ADAM23: variants seen among roughly 807,000 people sequenced by gnomAD.
The protein encoded by ADAM23 is disintegrin and metalloproteinase domain-containing protein 23.
ADAM23 carries 33 observed loss-of-function variants against 120.1 expected under a neutral mutation model. The observed-to-expected ratio is 0.27, with a 90% CI of 0.21 to 0.37. ADAM23 has a LOEUF of 0.37. Among genes scored for constraint, ADAM23 ranks in the 10% least tolerant of loss-of-function variants. ADAM23 has a pLI of 1.00. For missense variants in ADAM23, 862 were observed against 1,058.2 expected, an observed-to-expected ratio of 0.81 and a Z score of 2.57; for synonymous variants, 367 against 375.2, an observed-to-expected ratio of 0.98 and a Z score of 0.25.
chr2:206,592,645 A>C lies in ADAM23; in HGVS notation c.1987A>C (p.Thr663Pro), dbSNP rs1698446680. The change falls in exon 22 of 26, where the codon ACC becomes CCC. Residue 663 changes from threonine to proline, a missense_variant. Physicochemically the swap from Thr to Pro is conservative, Grantham distance 38. This residue lies in a region of ADAM23 where 617 missense variants were observed against 813.5 expected (regional missense o/e 0.76). Coordinates refer to ENST00000264377, the MANE Select transcript of ADAM23 (RefSeq NM_003812.4). ...TGTGTTCTGTGGATTCTTACTCTGTACCAATCTTACTCGAGCTCCACGTAT... is the reference window on the plus strand; with the variant it reads ...TGTGTTCTGTGGATTCTTACTCTGTCCCAATCTTACTCGAGCTCCACGTAT... ...HDVFCGFLLC[T>P]NLTRAPRIGQ... 6.2e-7 allele frequency: 1 copy of C among 1,613,896 alleles called. No homozygotes were observed. Among genetic ancestry groups the C allele is most frequent in the Non-Finnish European group, 8.5e-7 (1 of 1,179,950 alleles).
At chr2:206,538,139 A>T (rs1365992557) in intron 4 of ADAM23, among the ~76,000 whole-genome samples, 5 of 152,170 alleles carry the variant, frequency 3.3e-5, no homozygotes, top group African/African-American at 1.2e-4. Flanking sequence ...GGTACAGCCA[A>T]ACTGTTCTAA....
At chr2:206,492,920 A>G (rs537507269) in intron 3 of ADAM23, among the ~76,000 whole-genome samples, 1 of 152,346 alleles carries the variant, frequency 6.6e-6, no homozygotes, top group Admixed American at 6.5e-5. Context: ...CCTTAGAGAA[A>G]TAAAAAACTT....
intron 8 of ADAM23, 57 bp from the exon 9 acceptor site, chr2:206,550,038 C>T (rs991429737): frequency 9.3e-6 from 10 of 1,071,638 alleles, no homozygotes; most frequent in Non-Finnish European, 1.4e-5. Context: ...TAACAGTGAG[C>T]ACTAGAGAGA....
intron 24 of ADAM23, among the ~76,000 whole-genome samples, chr2:206,600,518 A>G (rs1055643034): frequency 3.3e-5 from 5 of 152,226 alleles, no homozygotes; most frequent in Admixed American, 6.5e-5. Context: ...ATTGTACCCA[A>G]CTGCCCTTTG....
intron 9 of ADAM23, among the ~76,000 whole-genome samples, chr2:206,553,378 C>T (rs984679502): frequency 5.3e-5 from 8 of 152,006 alleles, no homozygotes; most frequent in Non-Finnish European, 8.8e-5. Context: ...GGAGGTTGCA[C>T]TGAGCCAAGA....
chr2:206,563,489 C>T (rs974650581), intron 13 of ADAM23, among the ~76,000 whole-genome samples: 29 of 152,264 alleles, frequency 1.9e-4, no homozygotes, highest in Non-Finnish European at 2.9e-5. Context: ...AGTGTTTGCT[C>T]TCCCAGGAAA....
intron 3 of ADAM23, among the ~76,000 whole-genome samples, chr2:206,498,876 A>C (rs1696318087): frequency 6.6e-6 from 1 of 152,258 alleles, no homozygotes; most frequent in South Asian, 2.1e-4. Flanking sequence ...ATATTTATGC[A>C]GCCAAAAAAA....
At chr2:206,601,875 T>A (rs923418093) in intron 24 of ADAM23, among the ~76,000 whole-genome samples, 3 of 152,180 alleles carry the variant, frequency 2.0e-5, no homozygotes, top group Non-Finnish European at 2.9e-5. Flanking sequence ...TCAAGCTTAT[T>A]AACTGATCCA....
chr2:206,491,279 G>A (rs892629335), intron 3 of ADAM23, among the ~76,000 whole-genome samples: 3 of 152,140 alleles, frequency 2.0e-5, no homozygotes, highest in Non-Finnish European at 4.4e-5. Context: ...TCTAGGTTCT[G>A]GGAGATGAGA....
chr2:206,589,007 T>C (rs1698377862), intron 20 of ADAM23, among the ~76,000 whole-genome samples: 1 of 152,230 alleles, frequency 6.6e-6, no homozygotes, highest in East Asian at 1.9e-4. Context: ...TCTCCTAATA[T>C]TGATATAAAA....
At chr2:206,450,963 G>A (rs1408380088) in intron 2 of ADAM23, among the ~76,000 whole-genome samples, 1 of 152,216 alleles carries the variant, frequency 6.6e-6, no homozygotes, top group Non-Finnish European at 1.5e-5. Context: ...GGTAGCCGCT[G>A]ATGTGTGGTT....
intron 2 of ADAM23, among the ~76,000 whole-genome samples, chr2:206,480,963 A>T (rs1046252874): frequency 7.2e-5 from 11 of 152,206 alleles, no homozygotes; most frequent in African/African-American, 2.4e-4. Flanking sequence ...TTGTAAGTCC[A>T]GCAGAATATG....
intron 3 of ADAM23, among the ~76,000 whole-genome samples, chr2:206,521,591 A>G (rs894192323): frequency 5.9e-5 from 9 of 152,208 alleles, no homozygotes; most frequent in East Asian, 3.8e-4. Context: ...TACATTTGGT[A>G]TACACCTTTT....
At chr2:206,612,277 T>C (rs1278009555) in intron 25 of ADAM23, among the ~76,000 whole-genome samples, 2 of 152,222 alleles carry the variant, frequency 1.3e-5, no homozygotes, top group Admixed American at 1.3e-4. Flanking sequence ...AATGATAATG[T>C]TTAGATTTTC....
At chr2:206,533,873 G>A (rs1697122999) in intron 4 of ADAM23, among the ~76,000 whole-genome samples, 1 of 152,210 alleles carries the variant, frequency 6.6e-6, no homozygotes, top group African/African-American at 2.4e-5. Flanking sequence ...ATCAGTCCAA[G>A]AATAAGGAAG....
At chr2:206,488,298 G>A (rs1696058614) in intron 3 of ADAM23, among the ~76,000 whole-genome samples, 1 of 152,212 alleles carries the variant, frequency 6.6e-6, no homozygotes. Flanking sequence ...AGAGCCTGTG[G>A]TAGAGAAATG....
At chr2:206,568,010 C>T (rs1697924716) in intron 15 of ADAM23, among the ~76,000 whole-genome samples, 1 of 152,136 alleles carries the variant, frequency 6.6e-6, no homozygotes, top group Non-Finnish European at 1.5e-5. Flanking sequence ...ATGATTCAGT[C>T]ACCTTCCACC....
At chr2:206,589,201 C>G (rs1698381500) in intron 20 of ADAM23, among the ~76,000 whole-genome samples, 1 of 152,100 alleles carries the variant, frequency 6.6e-6, no homozygotes, top group African/African-American at 2.4e-5. Context: ...GTTAAATTTT[C>G]AGGAATTTTG....
intron 22 of ADAM23, among the ~76,000 whole-genome samples, chr2:206,594,012 C>T (rs535869214): frequency 6.6e-6 from 1 of 151,438 alleles, no homozygotes; most frequent in Non-Finnish European, 1.5e-5. Context: ...TAGGCAAGTA[C>T]TTACCATTGT....
Sources: allele counts gnomAD v4.1 joint callset (sites outside exome capture counted in the v4.1 genomes callset), GRCh38; gene constraint gnomAD v4.1.1; regional missense constraint gnomAD v4.1.1; transcripts MANE v1.5; gene names NCBI Gene and HGNC (gene_info 2026-07-23, HGNC 2026-07-21).